KDM2B: variants seen among roughly 807,000 people sequenced by gnomAD.
The protein encoded by KDM2B is lysine demethylase 2B.
A neutral mutation model predicts 150.0 loss-of-function variants in KDM2B; 26 were observed. That is an observed-to-expected ratio of 0.17 (90% CI 0.13 to 0.24). The LOEUF is 0.24. Ranked by LOEUF, KDM2B falls within the 10% of genes least tolerant of loss-of-function variation. The probability of loss-of-function intolerance (pLI) is 1.00; values close to 1 mark genes in which losing one functional copy is unlikely to be tolerated. For synonymous variants in KDM2B, 734 were observed against 729.5 expected (o/e 1.01, Z -0.10); for missense variants, 1,265 against 1,816.9 (o/e 0.70, Z 5.52).
chr12:121,547,982 A>G (rs1265888394), intron 6 of KDM2B, among the ~76,000 whole-genome samples: 3 of 152,068 alleles, frequency 2.0e-5, no homozygotes, highest in Non-Finnish European at 4.4e-5. Flanking sequence ...GGAAGCCTCA[A>G]AGGTGACTTC....
At chr12:121,470,550 T>C (rs1880666136) in intron 12 of KDM2B, 1 of 152,276 alleles carries the variant, frequency 6.6e-6, no homozygotes, top group African/African-American at 2.4e-5. Flanking sequence ...GTGGTAAGTC[T>C]GCTGTAGACA....
chr12:121,419,610 G>C, the KDM2B span, among the ~76,000 whole-genome samples: 13,553 of 152,208 alleles, frequency 0.089, 719 homozygotes, highest in South Asian at 0.23. Context: ...AACCGACCTA[G>C]CTTATTGGAG....
chr12:121,433,157 G>A (rs1335625928), intron 22 of KDM2B: 1 of 456,582 alleles, frequency 2.2e-6, no homozygotes, highest in Non-Finnish European at 4.4e-6. Flanking sequence ...CCTGGCTTGT[G>A]GTTCACATAT....
chr12:121,511,578 G>A (rs912726306), intron 10 of KDM2B, among the ~76,000 whole-genome samples: 1 of 152,144 alleles, frequency 6.6e-6, no homozygotes, highest in Non-Finnish European at 1.5e-5. Flanking sequence ...GAGCCATCGC[G>A]CCCGGTGGTG....
At position 121,537,170 on chromosome 12, in the gene KDM2B, G is replaced by C. The variant is rs574648342; in HGVS notation, c.684-2580C>G. The stretch of plus-strand genomic sequence containing the variant: ...CCACCCCGCGATCGCAGGCATTAGG[G>C]GAGCCAGGGTGGCTGGGACAGCGCG... On this transcript the variant is annotated intron_variant, in intron 6 of 22. Transcript: ENST00000377071. The surrounding 1 kb of genome is among the most constrained non-coding windows in gnomAD (Gnocchi z 8.7). The C allele has an allele frequency of 6.6e-6, 1 of 152,332 alleles. No individual in the cohort carries two copies. The highest frequency in any genetic ancestry group is 2.1e-4 in the South Asian group (1 of 4,830). 9.4% of individuals were successfully genotyped at this position (152,332 alleles called of 1,614,324 possible).
downstream of KDM2B, among the ~76,000 whole-genome samples, chr12:121,426,439 CCCCCT>C (rs1872515253): frequency 2.4e-5 from 3 of 123,108 alleles, no homozygotes; most frequent in African/African-American, 1.2e-4. Flanking sequence ...TGCCTTTCTA[CCCCCT>C]CCCCCCCCTT....
At chr12:121,576,314 A>C (rs1555316853) in intron 2 of KDM2B, among the ~76,000 whole-genome samples, 1 of 152,174 alleles carries the variant, frequency 6.6e-6, no homozygotes, top group African/African-American at 2.4e-5. Context: ...GGAGGCTGGG[A>C]GGAGGGCCCT....
the KDM2B span, chr12:121,420,329 G>A: frequency 6.4e-7 from 1 of 1,562,862 alleles, no homozygotes; most frequent in South Asian, 1.2e-5. Context: ...AAACGCAGAG[G>A]ATCGGGTGAG....
intron 12 of KDM2B, among the ~76,000 whole-genome samples, chr12:121,483,119 C>T (rs61953499): frequency 3.3e-5 from 5 of 151,674 alleles, no homozygotes; most frequent in African/African-American, 9.7e-5. Flanking sequence ...GCCAGGATTG[C>T]GCCACTGCAC....
chr12:121,410,850 A>T, the KDM2B span, among the ~76,000 whole-genome samples: 12 of 152,292 alleles, frequency 7.9e-5, no homozygotes, highest in African/African-American at 2.4e-4. Flanking sequence ...TTTGGCTGAC[A>T]GTAGTTAATA....
At chr12:121,416,298 C>G in the KDM2B span, 1 of 1,614,118 alleles carries the variant, frequency 6.2e-7, no homozygotes, top group Non-Finnish European at 8.5e-7. Context: ...GAGTTTTCCA[C>G]CTACCCACCA....
chr12:121,577,405 C>A (rs1322719189), intron 2 of KDM2B, among the ~76,000 whole-genome samples: 1 of 152,206 alleles, frequency 6.6e-6, no homozygotes, highest in East Asian at 1.9e-4. Context: ...AATTAAAATT[C>A]CACTTATGTA....
At chr12:121,481,276 CT>C (rs1882103541) in intron 12 of KDM2B, among the ~76,000 whole-genome samples, 1 of 152,096 alleles carries the variant, frequency 6.6e-6, no homozygotes, top group Admixed American at 6.6e-5. Context: ...TGAGATGTTT[CT>C]GTTCGTTGGT....
At chr12:121,471,784 G>GT (rs2139672572) in intron 12 of KDM2B, among the ~76,000 whole-genome samples, 1 of 152,234 alleles carries the variant, frequency 6.6e-6, no homozygotes, top group South Asian at 2.1e-4. Context: ...TCCTTTTAAT[G>GT]TTGAGACCAA....
At chr12:121,502,616 G>A (rs1444364915) in intron 11 of KDM2B, among the ~76,000 whole-genome samples, 1 of 150,432 alleles carries the variant, frequency 6.6e-6, no homozygotes. Flanking sequence ...GAGAGACTCG[G>A]ACTCAAAAAA....
intron 4 of KDM2B, among the ~76,000 whole-genome samples, chr12:121,566,195 A>G (rs1344328905): frequency 3.9e-5 from 6 of 152,174 alleles, no homozygotes; most frequent in Admixed American, 6.5e-5. Flanking sequence ...CTGTGTTAAA[A>G]TTAAGAACTT....
At chr12:121,573,223 T>A (rs1237685126) in intron 4 of KDM2B, among the ~76,000 whole-genome samples, 1 of 151,310 alleles carries the variant, frequency 6.6e-6, no homozygotes, top group Non-Finnish European at 1.5e-5. Context: ...CCTCCCAAAG[T>A]GCTAGGATTA....
intron 12 of KDM2B, 38 bp downstream of exon 12, chr12:121,494,541 G>A (rs781959236): frequency 1.8e-5 from 27 of 1,539,860 alleles, no homozygotes; most frequent in East Asian, 4.6e-5. Flanking sequence ...GGAAGGAGGT[G>A]GGAAGCGGCC....
Position 121,483,640 on chromosome 12 carries a change from G to A in KDM2B, c.1734+10939C>T, listed in dbSNP as rs148852417. Among the ~76,000 whole-genome samples the A allele has an allele frequency of 2.3e-3, 353 of 151,998 alleles. 2 individuals are homozygous for A. Among genetic ancestry groups the A allele is most frequent in the African/African-American group, 8.0e-3 (330 of 41,426 alleles). ...TGCCATGAGCCGAGATTGCACCACC[G>A]CACTCCAGCCTGGGTGACAGAGTGA... On this transcript the variant is annotated intron_variant, in intron 12 of 22. Transcript: ENST00000377071.
Sources: gnomAD v4.1 joint callset for allele counts (sites outside exome capture counted in the v4.1 genomes callset) on GRCh38, gnomAD v4.1.1 for gene constraint, Gnocchi (gnomAD v3.1) non-coding constraint, MANE v1.5 for transcripts, NCBI Gene and HGNC (gene_info 2026-07-23, HGNC 2026-07-21) for gene names.